Variants in EXT1 observed in about 807,000 individuals in gnomAD.
EXT1 encodes the protein exostosin-1.
In EXT1, 20 loss-of-function variants were observed where a neutral mutation model predicts 82.5. That is an observed-to-expected ratio of 0.24 (90% CI 0.17 to 0.35). The LOEUF is 0.35. Ranked by LOEUF, EXT1 falls within the 10% of genes least tolerant of loss-of-function variation. The pLI, the probability that EXT1 is intolerant of heterozygous loss-of-function variation, is 1.00. For synonymous variants in EXT1, 348 were observed against 350.8 expected, an observed-to-expected ratio of 0.99 and a Z score of 0.09; for missense variants, 757 against 936.5, an observed-to-expected ratio of 0.81 and a Z score of 2.50.
intron 1 of EXT1, among the ~76,000 whole-genome samples, chr8:117,855,876 G>A (rs1211965665): frequency 6.6e-6 from 1 of 152,102 alleles, no homozygotes; most frequent in Non-Finnish European, 1.5e-5. Flanking sequence ...CACTATGTTG[G>A]CCAGGCTGGT....
intron 1 of EXT1, among the ~76,000 whole-genome samples, chr8:118,027,717 T>C (rs17476490): frequency 0.013 from 2,024 of 152,242 alleles, 47 homozygotes; most frequent in African/African-American, 0.046. Context: ...CAATCTCCAA[T>C]TACTCTTACG....
At chr8:118,022,550 C>A (rs1816127065) in intron 1 of EXT1, among the ~76,000 whole-genome samples, 1 of 150,782 alleles carries the variant, frequency 6.6e-6, no homozygotes, top group African/African-American at 2.4e-5. Flanking sequence ...GTTGGTCAGG[C>A]TGGTCTCGAA....
intron 1 of EXT1, among the ~76,000 whole-genome samples, chr8:118,053,100 C>G (rs894675225): frequency 2.0e-5 from 3 of 152,210 alleles, no homozygotes; most frequent in African/African-American, 7.2e-5. Context: ...TGACACATCC[C>G]TAGTAGCATC....
intron 1 of EXT1, among the ~76,000 whole-genome samples, chr8:117,975,345 T>C (rs1371208382): frequency 6.6e-6 from 1 of 152,154 alleles, no homozygotes; most frequent in Non-Finnish European, 1.5e-5. Context: ...GAAATGTATA[T>C]GGCAATAACA....
At chr8:117,858,353 G>A (rs962082738) in intron 1 of EXT1, among the ~76,000 whole-genome samples, 6 of 152,088 alleles carry the variant, frequency 3.9e-5, no homozygotes, top group Non-Finnish European at 7.4e-5. Flanking sequence ...CAATCGTTGC[G>A]GCAAACTCCA....
chr8:117,800,932 G>A (rs1823157768), intron 10 of EXT1, among the ~76,000 whole-genome samples: 1 of 152,194 alleles, frequency 6.6e-6, no homozygotes, highest in Non-Finnish European at 1.5e-5. Context: ...ATGAAACATG[G>A]AAAAGATGGG....
chr8:118,005,391 T>C (rs1470677068), intron 1 of EXT1, among the ~76,000 whole-genome samples: 6 of 152,208 alleles, frequency 3.9e-5, no homozygotes, highest in African/African-American at 1.4e-4. Flanking sequence ...AACTGAGGAA[T>C]AGGCACCTCA....
rs181812434 is a variant in EXT1 at position 117,864,798 on chromosome 8, A to C, written c.963-27597T>G. Among the ~76,000 whole-genome samples, 336 of 151,500 alleles carry C rather than the reference A, an allele frequency of 2.2e-3. 3 individuals carry two copies. Among genetic ancestry groups the C allele is most frequent in the African/African-American group, 7.1e-3 (292 of 41,312 alleles). On this transcript the variant is annotated intron_variant, in intron 1 of 10. Coordinates refer to ENST00000378204, the MANE Select transcript of EXT1 (RefSeq NM_000127.3). ...AAAAAAAAAAATCTCATAATGCTTC[A>C]GGAAAGTTATGAATTTGTGTTGGGC...
intron 3 of EXT1, chr8:117,831,682 G>A (rs1409747120): frequency 2.5e-5 from 12 of 470,908 alleles, no homozygotes; most frequent in African/African-American, 1.6e-4. Context: ...TGCTCCGTTA[G>A]CTGCTTTAAT....
intron 1 of EXT1, among the ~76,000 whole-genome samples, chr8:118,026,196 A>T (rs534451962): frequency 1.6e-3 from 246 of 152,334 alleles, no homozygotes; most frequent in African/African-American, 5.7e-3. Context: ...CTACTGAGCC[A>T]GTCATCTAGC....
In EXT1 at chr8:117,863,018, T is replaced by C. The variant is rs542843037; in HGVS notation, c.963-25817A>G. Among the ~76,000 whole-genome samples, 95 of 152,114 alleles carry C rather than the reference T, an allele frequency of 6.2e-4. 2 individuals carry two copies. The South Asian group carries it at 8.1e-3, about 13-fold the overall frequency. ...TTGGCAGAGGAAGGAAGGGAAGTGA[T>C]ATGGTCAAAGGTATTTGACTAACAG... On this transcript the variant is annotated intron_variant, in intron 1 of 10. Coordinates refer to ENST00000378204, the MANE Select transcript of EXT1 (RefSeq NM_000127.3).
chr8:118,103,219 T>G (rs1817754087), intron 1 of EXT1, among the ~76,000 whole-genome samples: 1 of 152,140 alleles, frequency 6.6e-6, no homozygotes, highest in African/African-American at 2.4e-5. Flanking sequence ...CCATCATCAG[T>G]CACTGCAGCC....
In EXT1 at chr8:118,019,383, AGT is replaced by A. The variant is rs570346754; in HGVS notation, c.962+90700_962+90701del. On this transcript the variant is annotated intron_variant, in intron 1 of 10. Transcript: ENST00000378204. ...GTCTTCTGTGCTGTTGTACTCAAAA[AGT>A]GTGTGTTTGTGGACAGAGAGAAAGA... is the stretch of plus-strand genomic sequence containing the variant. 2.5e-3 allele frequency among the ~76,000 whole-genome samples: 385 copies of A among 152,286 alleles called. 1 individual carries two copies. The highest frequency in any genetic ancestry group is 4.9e-3 in the Non-Finnish European group (331 of 68,014).
intron 1 of EXT1, among the ~76,000 whole-genome samples, chr8:118,050,166 A>G (rs1301830800): frequency 6.6e-6 from 1 of 152,236 alleles, no homozygotes; most frequent in Non-Finnish European, 1.5e-5. Flanking sequence ...GGCTATTGTC[A>G]GACTTGCAAA....
intron 1 of EXT1, among the ~76,000 whole-genome samples, chr8:117,848,240 A>T (rs1007421785): frequency 6.6e-6 from 1 of 152,166 alleles, no homozygotes; most frequent in African/African-American, 2.4e-5. Flanking sequence ...ATGGTTGAAG[A>T]TTTGATGCCA....
intron 1 of EXT1, among the ~76,000 whole-genome samples, chr8:117,867,719 T>A (rs1230629880): frequency 6.6e-6 from 1 of 152,236 alleles, no homozygotes; most frequent in African/African-American, 2.4e-5. Context: ...TCTTTGCTTT[T>A]ATTCCTTAAA....
intron 1 of EXT1, among the ~76,000 whole-genome samples, chr8:118,017,204 T>C (rs1428894913): frequency 1.3e-5 from 2 of 152,138 alleles, no homozygotes; most frequent in African/African-American, 4.8e-5. Context: ...CTCCAAGACA[T>C]TACTAAGTAA....
intron 1 of EXT1, among the ~76,000 whole-genome samples, chr8:117,853,792 G>T (rs1812494658): frequency 6.6e-6 from 1 of 152,192 alleles, no homozygotes; most frequent in African/African-American, 2.4e-5. Context: ...CATTTTGATG[G>T]TAATTAAAAG....
chr8:118,020,594 C>T (rs1586347219), intron 1 of EXT1, among the ~76,000 whole-genome samples: 1 of 151,982 alleles, frequency 6.6e-6, no homozygotes, highest in East Asian at 1.9e-4. Context: ...CTGTCATAGT[C>T]TTCTTTGATT....
Sources: gnomAD v4.1 joint callset for allele counts (sites outside exome capture counted in the v4.1 genomes callset) on GRCh38, gnomAD v4.1.1 for gene constraint, MANE v1.5 for transcripts, NCBI Gene and HGNC (gene_info 2026-07-23, HGNC 2026-07-21) for gene names.